The following LTBP1 variants were observed in gnomAD, a reference collection of about 807,000 sequenced individuals.
The protein encoded by LTBP1 is latent-transforming growth factor beta-binding protein 1.
A neutral mutation model predicts 207.6 loss-of-function variants in LTBP1; 129 were observed. The observed-to-expected ratio is 0.62, with a 90% CI of 0.54 to 0.72. The LOEUF (loss-of-function observed/expected upper bound fraction) is 0.72, where lower values mean the gene tolerates loss of function less well. LTBP1 is among the 30% of genes least tolerant of loss of function. The probability of loss-of-function intolerance (pLI) is 0.00; values close to 1 mark genes in which losing one functional copy is unlikely to be tolerated. For missense variants in LTBP1, 2,281 were observed against 2,217.2 expected (o/e 1.03, Z -0.58); for synonymous variants, 963 against 833.7 (o/e 1.16, Z -2.67).
intron 3 of LTBP1, among the ~76,000 whole-genome samples, chr2:33,109,984 G>A (rs371972649): frequency 1.3e-5 from 2 of 152,178 alleles, no homozygotes; most frequent in African/African-American, 4.8e-5. Context: ...ACAACATGGG[G>A]ATTTCTTGCA....
Position 33,243,461 on chromosome 2 carries a change from G to A in LTBP1, c.1877-201G>A, listed in dbSNP as rs80279014. 2.4e-3 allele frequency among the ~76,000 whole-genome samples: 372 copies of A among 152,010 alleles called. 2 individuals are homozygous for A. The highest frequency in any genetic ancestry group is 8.5e-3 in the African/African-American group (354 of 41,440). ...AATCCTTAGCACCTGGCATGTAGTAGGTATGTAATAAATATTTGCTATATA... is the reference window on the plus strand; with the variant it reads ...AATCCTTAGCACCTGGCATGTAGTAAGTATGTAATAAATATTTGCTATATA... On this transcript the variant is annotated intron_variant, in intron 9 of 33. Transcript: ENST00000404816.
At chr2:33,036,718 A>G (rs1049476088) in intron 3 of LTBP1, among the ~76,000 whole-genome samples, 3 of 152,206 alleles carry the variant, frequency 2.0e-5, no homozygotes, top group Non-Finnish European at 4.4e-5. Flanking sequence ...TTGTCTTCCC[A>G]AAGTGCTGGG....
intron 19 of LTBP1, among the ~76,000 whole-genome samples, chr2:33,287,580 T>C (rs2093690586): frequency 6.6e-6 from 1 of 152,236 alleles, no homozygotes; most frequent in African/African-American, 2.4e-5. Context: ...TGAGTTTTGC[T>C]GAAAGATAAA....
At chr2:33,228,471 A>T (rs1490584049) in intron 9 of LTBP1, among the ~76,000 whole-genome samples, 1 of 152,162 alleles carries the variant, frequency 6.6e-6, no homozygotes, top group Non-Finnish European at 1.5e-5. Context: ...GAATGAGGCC[A>T]GAACTTATGC....
At chr2:33,119,102 G>A (rs2080954140) in intron 4 of LTBP1, among the ~76,000 whole-genome samples, 1 of 152,136 alleles carries the variant, frequency 6.6e-6, no homozygotes, top group East Asian at 1.9e-4. Flanking sequence ...GACATTTCTG[G>A]GTGTTGAGAC....
At chr2:33,307,626 A>G (rs757958281) in intron 22 of LTBP1, among the ~76,000 whole-genome samples, 5 of 152,234 alleles carry the variant, frequency 3.3e-5, no homozygotes, top group South Asian at 2.1e-4. Flanking sequence ...ACATTTGTCA[A>G]AACTCATTGA....
intron 10 of LTBP1, among the ~76,000 whole-genome samples, chr2:33,248,286 T>C (rs2092573841): frequency 6.6e-6 from 1 of 152,212 alleles, no homozygotes; most frequent in East Asian, 1.9e-4. Flanking sequence ...AAGATCTCTA[T>C]TGGATTTGTT....
intron 3 of LTBP1, among the ~76,000 whole-genome samples, chr2:33,074,127 A>T (rs1165150391): frequency 2.6e-5 from 4 of 152,178 alleles, no homozygotes; most frequent in African/African-American, 4.8e-5. Flanking sequence ...TATAATTGAG[A>T]TGTTGATTAT....
chr2:33,383,405 G>A (rs950515582), intron 31 of LTBP1, among the ~76,000 whole-genome samples: 1 of 152,192 alleles, frequency 6.6e-6, no homozygotes, highest in South Asian at 2.1e-4. Context: ...CACTGGAGGA[G>A]ACAGTCATTT....
chr2:33,293,074 T>C, intron 19 of LTBP1, 86 bp from the exon 20 acceptor site: 2 of 1,384,820 alleles, frequency 1.4e-6, no homozygotes, highest in Non-Finnish European at 2.0e-6. Flanking sequence ...GAAGGTCTAC[T>C]GTTTCCATTT....
intron 31 of LTBP1, among the ~76,000 whole-genome samples, chr2:33,372,698 A>G (rs1366764550): frequency 2.0e-5 from 3 of 151,932 alleles, no homozygotes; most frequent in African/African-American, 7.3e-5. Flanking sequence ...ACGTGGTGAA[A>G]CCCCATCTCT....
rs868165345 is a variant in LTBP1, at chr2:33,339,731, T to C, written c.3731-3107T>C. 2.0e-5 allele frequency among the ~76,000 whole-genome samples: 3 copies of C among 150,934 alleles called. No homozygotes were observed. In the South Asian group the frequency reaches 6.3e-4, roughly 32 times the overall value. On this transcript the variant is annotated intron_variant, in intron 24 of 33. Transcript: ENST00000404816. ...TGTGATCTCGGCCCACTGCAACCTC[T>C]GTCTCCCAGGTTCAAGCAATTCTCC...
At chr2:33,053,069 C>T (rs747618844) in intron 3 of LTBP1, among the ~76,000 whole-genome samples, 13 of 152,156 alleles carry the variant, frequency 8.5e-5, no homozygotes, top group Non-Finnish European at 1.6e-4. Context: ...CGGGGTTTCA[C>T]TATGTTGGTC....
rs190184354 is a variant in LTBP1 at position 33,074,534 on chromosome 2, C to T, written c.864-36048C>T. Among the ~76,000 whole-genome samples, 550 of 151,880 alleles carry T rather than the reference C, an allele frequency of 3.6e-3. 3 individuals are homozygous for T. Among genetic ancestry groups the T allele is most frequent in the African/African-American group, 0.012 (478 of 41,406 alleles). On this transcript the variant is annotated intron_variant, in intron 3 of 33. Transcript: ENST00000404816. The stretch of plus-strand genomic sequence containing the variant: ...GGTGGATCACTTGAGGTCAAGAGTT[C>T]GAGACCAGCCTCGCCAACGAAAACC...
chr2:33,387,811 C>T (rs537990676), intron 31 of LTBP1, among the ~76,000 whole-genome samples: 4 of 150,712 alleles, frequency 2.7e-5, no homozygotes, highest in Non-Finnish European at 4.4e-5. Context: ...TTGCCTTGCG[C>T]GACAATAGAG....
At chr2:33,038,064 G>A (rs2076010246) in intron 3 of LTBP1, among the ~76,000 whole-genome samples, 1 of 152,208 alleles carries the variant, frequency 6.6e-6, no homozygotes, top group Non-Finnish European at 1.5e-5. Context: ...GAGCACTTGT[G>A]TCTGCTTTTA....
At chr2:33,200,932 A>G (rs2089170635) in intron 7 of LTBP1, among the ~76,000 whole-genome samples, 1 of 152,254 alleles carries the variant, frequency 6.6e-6, no homozygotes, top group Admixed American at 6.5e-5. Context: ...ATGAGATACC[A>G]TCTGACACCA....
chr2:33,235,088 G>A (rs1488097071), intron 9 of LTBP1, among the ~76,000 whole-genome samples: 8 of 152,158 alleles, frequency 5.3e-5, no homozygotes, highest in Non-Finnish European at 1.0e-4. Flanking sequence ...TACAGCAAAA[G>A]AAACTATCAT....
rs201822209 is a variant in LTBP1, at chr2:33,347,349, C to T, written c.3857-18C>T. On this transcript the variant is annotated intron_variant, in intron 25 of 33. Coordinates refer to ENST00000404816, the MANE Select transcript of LTBP1 (RefSeq NM_206943.4). ...GAATGAGGCACACATCTCACTTGGT[C>T]TGTGCTCCCTTTTCCAGATGTGAAT... is the stretch of plus-strand genomic sequence containing the variant. The T allele has an allele frequency of 6.8e-6, 11 of 1,613,926 alleles. No individual in the cohort carries two copies. The highest frequency in any genetic ancestry group is 4.2e-6 in the Non-Finnish European group (5 of 1,179,956).
Sources: allele counts gnomAD v4.1 joint callset (sites outside exome capture counted in the v4.1 genomes callset), GRCh38; gene constraint gnomAD v4.1.1; transcripts MANE v1.5; gene names NCBI Gene and HGNC (gene_info 2026-07-23, HGNC 2026-07-21).